Variants in CSNK1G3 observed in about 807,000 individuals in gnomAD.
CSNK1G3 encodes casein kinase 1 gamma 3, also known as casein kinase I isoform gamma-3.
In CSNK1G3, 23 loss-of-function variants were observed where a neutral mutation model predicts 64.3. The ratio of observed to expected loss-of-function variants is 0.36; its 90% confidence interval spans 0.26 to 0.51. The LOEUF (loss-of-function observed/expected upper bound fraction) is 0.51. CSNK1G3 is among the 20% of genes least tolerant of loss of function. The pLI, the probability that CSNK1G3 is intolerant of heterozygous loss-of-function variation, is 0.96. For synonymous variants in CSNK1G3, 158 were observed against 162.2 expected (o/e 0.97, Z 0.20); for missense variants, 357 against 510.5 (o/e 0.70, Z 2.90).
At chr5:123,543,758 T>G (rs1265506066) in intron 1 of CSNK1G3, among the ~76,000 whole-genome samples, 1 of 152,160 alleles carries the variant, frequency 6.6e-6, no homozygotes, top group Admixed American at 6.6e-5. Context: ...GCTTCATATG[T>G]TTTGTCCAGC....
At chr5:123,596,259 TA>T (rs1241541931) in intron 10 of CSNK1G3, among the ~76,000 whole-genome samples, 9 of 152,114 alleles carry the variant, frequency 5.9e-5, no homozygotes, top group Admixed American at 6.6e-5. Context: ...AGTAGATCTA[TA>T]AAAGTCTAGG....
intron 1 of CSNK1G3, 25 bp from the exon 2 acceptor site, chr5:123,545,392 T>G: frequency 3.6e-6 from 1 of 275,136 alleles, no homozygotes; most frequent in East Asian, 6.2e-5. Context: ...CTTAGTTGAC[T>G]AATTTCCTTT....
At chr5:123,590,292 A>G (rs1171802860) in intron 8 of CSNK1G3, 118 bp from the exon 9 acceptor site, 8 of 417,724 alleles carry the variant, frequency 1.9e-5, no homozygotes, top group South Asian at 1.1e-4. Context: ...TTAAATTGCA[A>G]TGTAATTTTG....
intron 4 of CSNK1G3, among the ~76,000 whole-genome samples, chr5:123,568,942 T>C (rs1218785331): frequency 3.3e-5 from 5 of 152,194 alleles, no homozygotes; most frequent in Non-Finnish European, 2.9e-5. Context: ...AAGAGAAACA[T>C]GCATTAAAAT....
At chr5:123,544,382 T>G (rs1197106063) in intron 1 of CSNK1G3, among the ~76,000 whole-genome samples, 2 of 152,188 alleles carry the variant, frequency 1.3e-5, no homozygotes, top group African/African-American at 4.8e-5. Flanking sequence ...GTAACAGTAA[T>G]TGTATATTTG....
At chr5:123,569,078 T>G (rs975657133) in intron 4 of CSNK1G3, among the ~76,000 whole-genome samples, 6 of 152,228 alleles carry the variant, frequency 3.9e-5, no homozygotes, top group Non-Finnish European at 7.3e-5. Context: ...AGTTGGTGGA[T>G]TTTTAGGTAG....
chr5:123,554,470 A>G (rs1031861946), intron 3 of CSNK1G3, among the ~76,000 whole-genome samples: 2 of 152,192 alleles, frequency 1.3e-5, no homozygotes, highest in East Asian at 3.8e-4. Context: ...GCCGATGTAC[A>G]TAGAAAGCCA....
At chr5:123,570,992 C>G (rs1369520001) in intron 4 of CSNK1G3, among the ~76,000 whole-genome samples, 1 of 152,194 alleles carries the variant, frequency 6.6e-6, no homozygotes, top group Non-Finnish European at 1.5e-5. Context: ...TTGGAATAAA[C>G]TTAACAAGCC....
At chr5:123,528,658 C>T (rs1266531071) in intron 1 of CSNK1G3, among the ~76,000 whole-genome samples, 1 of 152,126 alleles carries the variant, frequency 6.6e-6, no homozygotes, top group East Asian at 1.9e-4. Context: ...GGAATGTTAG[C>T]AGTCATTGAT....
chr5:123,513,180 T>G lies in CSNK1G3; in HGVS notation c.-248+610T>G, dbSNP rs559381653. On this transcript the variant is annotated intron_variant, in intron 1 of 12. Transcript: ENST00000345990. ...CTTAACCAAGACATTAGTCAAAGGT[T>G]AGCAAAATCACTCTGATGGTTACTC... Among the ~76,000 whole-genome samples, 449 of 152,278 alleles carry G rather than the reference T, an allele frequency of 2.9e-3. 3 individuals carry two copies. Among genetic ancestry groups the G allele is most frequent in the Non-Finnish European group, 3.8e-3 (256 of 68,028 alleles).
intron 1 of CSNK1G3, among the ~76,000 whole-genome samples, chr5:123,535,819 A>T (rs1194544799): frequency 6.6e-6 from 1 of 152,094 alleles, no homozygotes; most frequent in Non-Finnish European, 1.5e-5. Flanking sequence ...TCAAATTTTG[A>T]TGTTCAATTT....
intron 4 of CSNK1G3, among the ~76,000 whole-genome samples, chr5:123,561,199 T>C (rs1371134619): frequency 1.3e-5 from 2 of 152,174 alleles, no homozygotes; most frequent in African/African-American, 2.4e-5. Flanking sequence ...ATTATCACTC[T>C]CTGGGATAGC....
At chr5:123,522,551 C>T (rs1299236380) in intron 1 of CSNK1G3, among the ~76,000 whole-genome samples, 1 of 151,472 alleles carries the variant, frequency 6.6e-6, no homozygotes, top group African/African-American at 2.4e-5. Flanking sequence ...AGGTACCTGA[C>T]ATAAAATGGC....
chr5:123,599,769 G>A (rs1048341360), intron 10 of CSNK1G3, among the ~76,000 whole-genome samples: 7 of 151,892 alleles, frequency 4.6e-5, no homozygotes, highest in Non-Finnish European at 1.0e-4. Context: ...GTATGGTTAT[G>A]TGCCTTTATT....
At chr5:123,537,957 C>A (rs1026363746) in intron 1 of CSNK1G3, among the ~76,000 whole-genome samples, 15 of 152,130 alleles carry the variant, frequency 9.9e-5, no homozygotes, top group African/African-American at 3.6e-4. Context: ...TGCCTGACTT[C>A]TTTTCCTCAG....
chr5:123,614,666 A>G (rs1427929876), exon 13 of CSNK1G3: 1 of 325,324 alleles, frequency 3.1e-6, no homozygotes, highest in Admixed American at 4.4e-5. Context: ...AGGTGGTATC[A>G]ATGAATATAG....
chr5:123,611,470 C>T (rs1049456943), intron 12 of CSNK1G3, among the ~76,000 whole-genome samples: 3 of 152,050 alleles, frequency 2.0e-5, no homozygotes, highest in Middle Eastern at 3.2e-3. Flanking sequence ...AAATGCTTGG[C>T]GTAGTTCAGT....
intron 4 of CSNK1G3, among the ~76,000 whole-genome samples, chr5:123,560,085 A>G (rs1785387450): frequency 6.6e-6 from 1 of 152,200 alleles, no homozygotes; most frequent in South Asian, 2.1e-4. Context: ...ACAAATCTCC[A>G]AAGATATACA....
chr5:123,556,605 GTTCTA>G (rs1784665535), intron 3 of CSNK1G3, among the ~76,000 whole-genome samples: 1 of 151,884 alleles, frequency 6.6e-6, no homozygotes, highest in South Asian at 2.1e-4. Flanking sequence ...ATTTTTCAAA[GTTCTA>G]TTGATTCTTT....
Sources: allele counts gnomAD v4.1 joint callset (sites outside exome capture counted in the v4.1 genomes callset), GRCh38; gene constraint gnomAD v4.1.1; transcripts MANE v1.5; gene names NCBI Gene and HGNC (gene_info 2026-07-23, HGNC 2026-07-21).